The following ZSCAN30 variants were observed in gnomAD, a reference collection of about 807,000 sequenced individuals.
The protein encoded by ZSCAN30 is zinc finger and SCAN domain containing 30.
A neutral mutation model predicts 44.3 loss-of-function variants in ZSCAN30; 37 were observed. That is an observed-to-expected ratio of 0.84 (90% CI 0.64 to 1.10). The LOEUF (loss-of-function observed/expected upper bound fraction) is 1.10. Among genes scored for constraint, ZSCAN30 ranks in the 50% least tolerant of loss-of-function variants. The probability of loss-of-function intolerance (pLI) is 0.00; values close to 1 mark genes in which losing one functional copy is unlikely to be tolerated. For synonymous variants in ZSCAN30, 181 were observed against 204.6 expected (o/e 0.88, Z 0.98); for missense variants, 549 against 582.6 (o/e 0.94, Z 0.59).
chr18:35,254,679 T>C (rs1478103136), intron 3 of ZSCAN30: 2 of 464,350 alleles, frequency 4.3e-6, no homozygotes, highest in Admixed American at 3.5e-5. Flanking sequence ...ACCAGGAAGC[T>C]AGGAGACAAT....
rs114220971 is a variant in ZSCAN30 at position 35,267,299 on chromosome 18, G to C, written c.-103-2844C>G. ...CTGACCAAAAAGGCGGGGTGGCTGA[G>C]TGGGCAAGTGGAAATGGATGGCGGG... On this transcript the variant is annotated intron_variant, in intron 1 of 3. Coordinates refer to ENST00000333206, the MANE Select transcript of ZSCAN30 (RefSeq NM_001112734.4). 7.5e-3 allele frequency among the ~76,000 whole-genome samples: 1,138 copies of C among 152,280 alleles called. 8 individuals are homozygous for C. The highest frequency in any genetic ancestry group is 0.011 in the Non-Finnish European group (765 of 68,020).
rs564604306 is a variant in ZSCAN30, at chr18:35,255,054, T to C, written c.554-673A>G. The C allele has an allele frequency of 5.3e-4, 81 of 153,236 alleles. 1 individual carries two copies. Among genetic ancestry groups the C allele is most frequent in the African/African-American group, 1.8e-3 (76 of 41,540 alleles). The allele number at this position is 153,236 out of a possible 1,614,324, so 9.5% of individuals were successfully genotyped here. Reference sequence around the variant, plus strand: ...AAAAATTTTGCACTTAAATCATCCATGGAATACAAAAGAATCTTATAGTTT... The same window carrying C: ...AAAAATTTTGCACTTAAATCATCCACGGAATACAAAAGAATCTTATAGTTT... On this transcript the variant is annotated intron_variant, in intron 3 of 3. Transcript: ENST00000333206.
chr18:35,266,044 G>A (rs2044142536), intron 1 of ZSCAN30, among the ~76,000 whole-genome samples: 1 of 152,166 alleles, frequency 6.6e-6, no homozygotes. Flanking sequence ...GGTAGTTTGG[G>A]GAGACCAGAT....
At chr18:35,284,294 T>C (rs1419582566) in intron 1 of ZSCAN30, 1 of 152,608 alleles carries the variant, frequency 6.6e-6, no homozygotes, top group African/African-American at 2.4e-5. Flanking sequence ...GCACCACCAG[T>C]TCCCCCTCCA....
intron 1 of ZSCAN30, among the ~76,000 whole-genome samples, chr18:35,266,459 AAG>A (rs2044151847): frequency 6.6e-6 from 1 of 152,086 alleles, no homozygotes. Context: ...AAGGGCTTGG[AAG>A]AGAGAGGGGT....
intron 1 of ZSCAN30, chr18:35,282,018 A>C (rs1219260695): frequency 2.0e-5 from 3 of 152,184 alleles, no homozygotes; most frequent in Non-Finnish European, 2.9e-5. Flanking sequence ...TTCTAAGTTA[A>C]TCTGATGCCA....
intron 3 of ZSCAN30, chr18:35,257,561 A>T: frequency 4.1e-6 from 1 of 245,050 alleles, no homozygotes. Flanking sequence ...CCAAATACAA[A>T]ATCTGCTAGC....
chr18:35,273,288 C>T (rs577453911), intron 1 of ZSCAN30, among the ~76,000 whole-genome samples: 57 of 152,300 alleles, frequency 3.7e-4, no homozygotes, highest in Middle Eastern at 3.4e-3. Context: ...TAAGTGGGAT[C>T]GTACAATATT....
chr18:35,286,512 T>C (rs1163274795), intron 1 of ZSCAN30, among the ~76,000 whole-genome samples: 6 of 152,138 alleles, frequency 3.9e-5, no homozygotes, highest in African/African-American at 1.4e-4. Context: ...TAAATCACCA[T>C]ATTAACAAAC....
Position 35,252,528 on chromosome 18 carries a change from GA to G in ZSCAN30, c.*921del, listed in dbSNP as rs1359942817. On this transcript the variant is annotated 3_prime_UTR_variant, in exon 4 of 4. Transcript: ENST00000333206. ...TCATTTTTTTAAAAATTAGGTCTAT[GA>G]CAATTTCTGCAGTAGAGAAGAGTCT... is the stretch of plus-strand genomic sequence containing the variant. The G allele has an allele frequency of 2.0e-5, 3 of 152,138 alleles. No individual in the cohort carries two copies. Among genetic ancestry groups the G allele is most frequent in the Non-Finnish European group, 4.4e-5 (3 of 68,024 alleles). The allele number at this position is 152,138 out of a possible 1,614,324, so 9.4% of individuals were successfully genotyped here. A position where few individuals can be genotyped will look rare whatever the true frequency, so the allele number is the denominator to read the frequency against.
At chr18:35,274,220 G>A (rs541423190) in intron 1 of ZSCAN30, among the ~76,000 whole-genome samples, 1 of 152,100 alleles carries the variant, frequency 6.6e-6, no homozygotes, top group South Asian at 2.1e-4. Flanking sequence ...TTTGTTTTGG[G>A]TAGAGACAGG....
Position 35,254,154 on chromosome 18 carries a change from T to C in ZSCAN30, c.781A>G (p.Thr261Ala), listed in dbSNP as rs1278500956. The C allele has an allele frequency of 4.3e-6, 7 of 1,614,190 alleles. No homozygotes were observed. The East Asian group carries it at 6.7e-5, about 15-fold the overall frequency. ...PSQDRHFSLATFNRRIPTEHS... is the reference protein window; with the variant it reads ...PSQDRHFSLAAFNRRIPTEHS... ...TCTGTGGGGATTCTTCTGTTGAAGG[T>C]TGCCAGACTGAAATGTCTGTCCTGG... is the stretch of plus-strand genomic sequence containing the variant. The change falls in exon 4 of 4, where the codon ACC becomes GCC. Residue 261 changes from threonine to alanine, a missense_variant. Thr to Ala is a moderately conservative substitution (Grantham distance 58). Coordinates refer to ENST00000333206, the MANE Select transcript of ZSCAN30 (RefSeq NM_001112734.4).
At position 35,252,981 on chromosome 18, in the gene ZSCAN30, T is replaced by G. The variant is rs996775248; in HGVS notation, c.*469A>C. 1 of 154,732 alleles carries G rather than the reference T, an allele frequency of 6.5e-6. No homozygotes were observed. The highest frequency in any genetic ancestry group is 1.4e-5 in the Non-Finnish European group (1 of 69,810). The allele number at this position is 154,732 out of a possible 1,614,324, so 9.6% of individuals were successfully genotyped here. ...ATTAAACTAATAGCATAATTCAATA[T>G]TTTCACAACCTCCAAATTCAACATT... On this transcript the variant is annotated 3_prime_UTR_variant, in exon 4 of 4. Transcript: ENST00000333206.
At chr18:35,289,163 A>T (rs868115787) in intron 1 of ZSCAN30, among the ~76,000 whole-genome samples, 2 of 152,048 alleles carry the variant, frequency 1.3e-5, no homozygotes, top group African/African-American at 2.4e-5. Flanking sequence ...TGTAGTAGAG[A>T]CAGGGTTTCA....
chr18:35,275,852 C>T (rs371701307), intron 1 of ZSCAN30, among the ~76,000 whole-genome samples: 1 of 152,102 alleles, frequency 6.6e-6, no homozygotes, highest in African/African-American at 2.4e-5. Context: ...TCCAGATATC[C>T]CATTTTTTTC....
At chr18:35,265,830 A>G (rs1216583868) in intron 1 of ZSCAN30, among the ~76,000 whole-genome samples, 2 of 152,186 alleles carry the variant, frequency 1.3e-5, no homozygotes, top group Non-Finnish European at 2.9e-5. Context: ...AAATCCAAGG[A>G]CGGAGCGAAG....
At chr18:35,257,447 A>T (rs1259336730) in intron 3 of ZSCAN30, 1 of 158,672 alleles carries the variant, frequency 6.3e-6, no homozygotes, top group Non-Finnish European at 1.4e-5. Context: ...CTAGGTCATG[A>T]GGGCTTAGTG....
rs1374240594 is a variant in ZSCAN30, at chr18:35,251,156, T to C, written c.*2294A>G. ...TTTTGAAATTAGTTACCAAAAATCA[T>C]TTACTAAACAGTAGTTTTACTAAAA... On this transcript the variant is annotated 3_prime_UTR_variant, in exon 4 of 4. Transcript: ENST00000333206. 1 of 152,168 alleles carries C rather than the reference T, an allele frequency of 6.6e-6. No individual in the cohort carries two copies. Among genetic ancestry groups the C allele is most frequent in the Non-Finnish European group, 1.5e-5 (1 of 68,032 alleles). The allele number at this position is 152,168 out of a possible 1,614,324, so 9.4% of individuals were successfully genotyped here.
At chr18:35,270,856 T>A (rs1425136882) in intron 1 of ZSCAN30, among the ~76,000 whole-genome samples, 1 of 152,238 alleles carries the variant, frequency 6.6e-6, no homozygotes, top group Non-Finnish European at 1.5e-5. Flanking sequence ...CCTTCTAATG[T>A]TCGGACATGT....
Sources: allele counts gnomAD v4.1 joint callset (sites outside exome capture counted in the v4.1 genomes callset), GRCh38; gene constraint gnomAD v4.1.1; transcripts MANE v1.5; gene names NCBI Gene and HGNC (gene_info 2026-07-23, HGNC 2026-07-21).